Variants in CDC37L1 observed in about 807,000 individuals in gnomAD.
The protein encoded by CDC37L1 is cell division cycle 37 like 1, HSP90 cochaperone.
CDC37L1 carries 32 observed loss-of-function variants against 45.9 expected under a neutral mutation model. That is an observed-to-expected ratio of 0.70 (90% CI 0.53 to 0.94). CDC37L1 has a LOEUF of 0.94. CDC37L1 is among the 40% of genes least tolerant of loss of function. The probability of loss-of-function intolerance (pLI) is 0.00; values close to 1 mark genes in which losing one functional copy is unlikely to be tolerated. For missense variants in CDC37L1, 434 were observed against 405.7 expected (o/e 1.07, Z -0.60); for synonymous variants, 150 against 133.0 (o/e 1.13, Z -0.88).
intron 5 of CDC37L1, among the ~76,000 whole-genome samples, chr9:4,701,565 C>A (rs775661663): frequency 2.0e-5 from 3 of 151,198 alleles, no homozygotes; most frequent in Non-Finnish European, 4.4e-5. Context: ...CTAGATAAGT[C>A]AAGGAAAATA....
intron 3 of CDC37L1, among the ~76,000 whole-genome samples, chr9:4,690,305 T>G (rs533029429): frequency 6.6e-6 from 1 of 152,232 alleles, no homozygotes; most frequent in South Asian, 2.1e-4. Flanking sequence ...ACATCTAGAG[T>G]GGGCTCGTTC....
intron 1 of CDC37L1, among the ~76,000 whole-genome samples, 191 bp downstream of exon 1, chr9:4,680,090 G>A (rs1237716209): frequency 1.3e-5 from 2 of 152,098 alleles, no homozygotes; most frequent in Non-Finnish European, 2.9e-5. Flanking sequence ...CAGACGGGGT[G>A]GCCATATATT....
Position 4,704,355 on chromosome 9 carries a change from CTG to C in CDC37L1, c.913-1653_913-1652del, listed in dbSNP as rs1463968655. ...ACTGCTTATTCACCTATACCACAGACTGTGAATCATATGTGTTGAGAATGTTA... is the reference window on the plus strand; with the variant it reads ...ACTGCTTATTCACCTATACCACAGACTGAATCATATGTGTTGAGAATGTTA... On this transcript the variant is annotated intron_variant, in intron 6 of 6. Coordinates refer to ENST00000381854, the MANE Select transcript of CDC37L1 (RefSeq NM_017913.4). 3.3e-5 allele frequency among the ~76,000 whole-genome samples: 5 copies of C among 152,294 alleles called. No individual in the cohort carries two copies. The South Asian group carries it at 1.0e-3, about 32-fold the overall frequency.
chr9:4,708,081 CT>C lies in CDC37L1; in HGVS notation c.*1970del, dbSNP rs947490061. 4 of 152,214 alleles carry C rather than the reference CT, an allele frequency of 2.6e-5. No homozygotes were observed. The highest frequency in any genetic ancestry group is 9.6e-5 in the African/African-American group (4 of 41,466). The allele number at this position is 152,214 out of a possible 1,614,324, so 9.4% of individuals were successfully genotyped here. ...TTTGAGTATGAAAGTGTGATTGGGTCTGTTGTGGGAACCACTGACTGATGCC... is the reference window on the plus strand; with the variant it reads ...TTTGAGTATGAAAGTGTGATTGGGTCGTTGTGGGAACCACTGACTGATGCC... On this transcript the variant is annotated 3_prime_UTR_variant, in exon 7 of 7. Coordinates refer to ENST00000381854, the MANE Select transcript of CDC37L1 (RefSeq NM_017913.4).
chr9:4,697,832 A>T lies in CDC37L1; in HGVS notation c.700A>T (p.Asn234Tyr). 6.2e-7 allele frequency: 1 copy of T among 1,610,582 alleles called. No individual in the cohort carries two copies. Among genetic ancestry groups the T allele is most frequent in the Non-Finnish European group, 8.5e-7 (1 of 1,176,996 alleles). ...TATTATGGAAATGGCCAAAAACTGT[A>T]ATGTGGATCCAAGAGGGTGTTTTCG... The part of the protein sequence containing the change: ...QFIMEMAKNC[N>Y]VDPRGCFRLF... The change falls in exon 5 of 7, where the codon AAT becomes TAT. Residue 234 changes from asparagine (N) to tyrosine (Y), a missense_variant. Physicochemically the swap from Asn to Tyr is moderately radical, Grantham distance 143. Transcript: ENST00000381854.
At chr9:4,702,492 A>C (rs927898424) in intron 6 of CDC37L1, among the ~76,000 whole-genome samples, 1 of 152,210 alleles carries the variant, frequency 6.6e-6, no homozygotes, top group East Asian at 1.9e-4. Flanking sequence ...CAGATATAAC[A>C]TTTTTAGAAC....
intron 3 of CDC37L1, among the ~76,000 whole-genome samples, chr9:4,695,027 A>G (rs1383790395): frequency 6.6e-6 from 1 of 152,202 alleles, no homozygotes; most frequent in Admixed American, 6.5e-5. Context: ...GAAGTAAACA[A>G]GAGGAGCAAT....
chr9:4,697,877 A>G lies in CDC37L1; in HGVS notation c.745A>G (p.Lys249Glu). 6.2e-7 allele frequency: 1 copy of G among 1,613,296 alleles called. No individual in the cohort carries two copies. The highest frequency in any genetic ancestry group is 8.5e-7 in the Non-Finnish European group (1 of 1,179,528). ...TTTTCGTTTATTTTTCCAGAAAGCCAAAGTAAGTAGTTATTTGATATTGAT... is the reference window on the plus strand; with the variant it reads ...TTTTCGTTTATTTTTCCAGAAAGCCGAAGTAAGTAGTTATTTGATATTGAT... ...GCFRLFFQKA[K>E]AEEEGYFEAF... Residue 249 changes from lysine to glutamate, a missense_variant and splice_region_variant, in exon 5 of 7, where the codon AAA (lysine) becomes GAA (glutamate). Transcript: ENST00000381854.
intron 3 of CDC37L1, among the ~76,000 whole-genome samples, chr9:4,696,326 C>G (rs1207782268): frequency 1.3e-5 from 2 of 152,048 alleles, no homozygotes; most frequent in Non-Finnish European, 2.9e-5. Flanking sequence ...TCTAAGGAAT[C>G]TAAACCTAAC....
chr9:4,680,151 G>C (rs1256779274), intron 1 of CDC37L1, among the ~76,000 whole-genome samples: 2 of 152,146 alleles, frequency 1.3e-5, no homozygotes, highest in Non-Finnish European at 2.9e-5. Flanking sequence ...GCTGATTCCT[G>C]TTCACTCTTG....
chr9:4,691,962 G>A (rs1036856622), intron 3 of CDC37L1, among the ~76,000 whole-genome samples: 1 of 152,124 alleles, frequency 6.6e-6, no homozygotes, highest in East Asian at 1.9e-4. Flanking sequence ...GGTCATCAGA[G>A]CTGCTTTTTG....
chr9:4,694,001 T>A (rs1841324571), intron 3 of CDC37L1, among the ~76,000 whole-genome samples: 1 of 152,250 alleles, frequency 6.6e-6, no homozygotes, highest in Non-Finnish European at 1.5e-5. Context: ...ACTCTCCATT[T>A]GTATACAAGT....
At chr9:4,702,717 TA>T (rs76792682) in intron 6 of CDC37L1, among the ~76,000 whole-genome samples, 195 of 141,574 alleles carry the variant, frequency 1.4e-3, no homozygotes, top group Non-Finnish European at 1.3e-3. Context: ...CCGTCTCTTC[TA>T]AAAAAAAAAA....
At chr9:4,684,731 A>T in intron 1 of CDC37L1, 146 bp from the exon 2 acceptor site, 2 of 573,094 alleles carry the variant, frequency 3.5e-6, no homozygotes, top group Non-Finnish European at 6.1e-6. Flanking sequence ...GGACTAAGAT[A>T]TAAAAACATG....
intron 6 of CDC37L1, among the ~76,000 whole-genome samples, chr9:4,705,442 CA>C (rs1212950435): frequency 6.6e-6 from 1 of 152,084 alleles, no homozygotes. Context: ...GCTTGTTTAA[CA>C]AATCCTGTTG....
intron 1 of CDC37L1, among the ~76,000 whole-genome samples, 157 bp downstream of exon 1, chr9:4,680,056 C>T (rs1841174700): frequency 6.6e-6 from 1 of 152,216 alleles, no homozygotes; most frequent in Non-Finnish European, 1.5e-5. Flanking sequence ...GCCATCCCAC[C>T]CCTTTTATGG....
intron 5 of CDC37L1, among the ~76,000 whole-genome samples, chr9:4,698,270 C>T (rs1841366027): frequency 6.8e-6 from 1 of 147,702 alleles, no homozygotes; most frequent in South Asian, 2.2e-4. Flanking sequence ...AATGAGAAAT[C>T]AGACTTTTAT....
At chr9:4,695,254 A>G (rs975882223) in intron 3 of CDC37L1, among the ~76,000 whole-genome samples, 1 of 152,104 alleles carries the variant, frequency 6.6e-6, no homozygotes, top group Admixed American at 6.5e-5. Context: ...GTGAGGTCAT[A>G]GCTCACTGCA....
Position 4,680,048 on chromosome 9 carries a change from C to T in CDC37L1, c.132+149C>T, listed in dbSNP as rs867993412. 56 of 985,672 alleles carry T rather than the reference C, an allele frequency of 5.7e-5. No individual in the cohort carries two copies. In the African/African-American group the frequency reaches 7.1e-4, roughly 13 times the overall value. 61.1% of individuals were successfully genotyped at this position (985,672 alleles called of 1,614,324 possible). A position where few individuals can be genotyped will look rare whatever the true frequency, so the allele number is the denominator to read the frequency against. The stretch of plus-strand genomic sequence containing the variant: ...GGACCTGGGACCTGACGCCTGATGC[C>T]ATCCCACCCCTTTTATGGCATCTTC... On this transcript the variant is annotated intron_variant, in intron 1 of 6. Coordinates refer to ENST00000381854, the MANE Select transcript of CDC37L1 (RefSeq NM_017913.4).
Sources: allele counts gnomAD v4.1 joint callset (sites outside exome capture counted in the v4.1 genomes callset), GRCh38; gene constraint gnomAD v4.1.1; transcripts MANE v1.5; gene names NCBI Gene and HGNC (gene_info 2026-07-23, HGNC 2026-07-21).